The following NAV3 variants were observed in gnomAD, a reference collection of about 807,000 sequenced individuals.
The protein encoded by NAV3 is pore membrane and/or filament interacting like protein 1.
A neutral mutation model predicts 244.7 loss-of-function variants in NAV3; 87 were observed. The ratio of observed to expected loss-of-function variants is 0.36; its 90% CI spans 0.30 to 0.42. The LOEUF (loss-of-function observed/expected upper bound fraction) is 0.42. Among genes scored for constraint, NAV3 ranks in the 20% least tolerant of loss-of-function variants. The pLI, the probability that NAV3 is intolerant of heterozygous loss-of-function variation, is 1.00. For missense variants in NAV3, 2,663 were observed against 2,893.3 expected (o/e 0.92, Z 1.83); for synonymous variants, 1,126 against 1,042.2 (o/e 1.08, Z -1.55).
chr12:77,751,501 G>A (rs1868852514), intron 2 of NAV3, among the ~76,000 whole-genome samples: 1 of 152,116 alleles, frequency 6.6e-6, no homozygotes, highest in African/African-American at 2.4e-5. Context: ...CACAATATCT[G>A]ATGTTTTTAT....
chr12:77,658,159 A>G (rs1873220600), intron 2 of NAV3, among the ~76,000 whole-genome samples: 1 of 152,176 alleles, frequency 6.6e-6, no homozygotes, highest in African/African-American at 2.4e-5. Flanking sequence ...GAAAAGAGGA[A>G]GTCAAATTTT....
intron 3 of NAV3, among the ~76,000 whole-genome samples, chr12:77,941,844 T>C (rs1262901611): frequency 1.3e-5 from 2 of 152,182 alleles, no homozygotes; most frequent in South Asian, 2.1e-4. Flanking sequence ...ATCAAGCAGA[T>C]ATAATCAGGA....
At chr12:77,716,919 C>T (rs919670499) in intron 2 of NAV3, among the ~76,000 whole-genome samples, 12 of 151,850 alleles carry the variant, frequency 7.9e-5, no homozygotes, top group African/African-American at 1.7e-4. Context: ...AGCAGAAATC[C>T]GATAGGACAA....
chr12:78,201,043 CTCTCTT>C (rs1430839706), intron 38 of NAV3, among the ~76,000 whole-genome samples: 6 of 129,182 alleles, frequency 4.6e-5, no homozygotes, highest in African/African-American at 1.7e-4. Flanking sequence ...CTTTCTCTCT[CTCTCTT>C]TCTTTCTTTG....
intron 22 of NAV3, among the ~76,000 whole-genome samples, chr12:78,151,062 T>TA (rs1957064877): frequency 1.4e-5 from 2 of 138,454 alleles, no homozygotes; most frequent in African/African-American, 5.2e-5. Context: ...GAACAATCAT[T>TA]TAAAAAAAAA....
intron 2 of NAV3, among the ~76,000 whole-genome samples, chr12:77,745,361 G>A (rs1555200762): frequency 6.6e-6 from 1 of 152,066 alleles, no homozygotes; most frequent in Non-Finnish European, 1.5e-5. Flanking sequence ...TTTGGTGACT[G>A]AAAGAGACAA....
At position 78,006,576 on chromosome 12, in the gene NAV3, C is replaced by G. The variant is rs201482142; in HGVS notation, c.1038C>G (p.Thr346=). 4.4e-4 allele frequency: 718 copies of G among 1,614,088 alleles called. 3 individuals carry two copies. The African/African-American group carries it at 8.8e-3, about 20-fold the overall frequency. The change falls in exon 8 of 40, where the codon ACC becomes ACG. Residue 346 remains threonine, a synonymous_variant. Coordinates refer to ENST00000397909, the MANE Select transcript of NAV3 (RefSeq NM_001024383.2). ...ATGTCAAACACAGTGCCACCTCCAC[C>G]ATGTTGACTGTAAAGCAGTCAAGTA... ...SMNVKHSATS[T]MLTVKQSSTA...
intron 7 of NAV3, among the ~76,000 whole-genome samples, chr12:78,004,424 T>C (rs1301841285): frequency 6.6e-6 from 1 of 152,172 alleles, no homozygotes; most frequent in Non-Finnish European, 1.5e-5. Flanking sequence ...TAAGCAGAGA[T>C]AGCCCATAAA....
chr12:78,179,688 TACTGA>T lies in NAV3; in HGVS notation c.5517+8_5517+12del. The T allele has an allele frequency of 1.2e-6, 2 of 1,602,420 alleles. No individual in the cohort carries two copies. The highest frequency in any genetic ancestry group is 1.7e-6 in the Non-Finnish European group (2 of 1,174,438). On this transcript the variant is annotated splice_region_variant and intron_variant, in intron 29 of 39. Transcript: ENST00000397909. ...AAGCCATGAACCGGATGCAGGTTGG[TACTGA>T]AGCACTTTCAAGGAATAAAATGGAG...
chr12:77,763,709 G>T (rs1869603892), intron 2 of NAV3, among the ~76,000 whole-genome samples: 1 of 152,220 alleles, frequency 6.6e-6, no homozygotes, highest in Non-Finnish European at 1.5e-5. Context: ...TTGCCAGGAT[G>T]CTCTCTTGGA....
Position 78,143,401 on chromosome 12 carries a change from C to T in NAV3, c.4684-2968C>T, listed in dbSNP as rs189876133. The T allele has an allele frequency of 6.5e-3, 2,882 of 445,208 alleles. 33 individuals carry two copies. The highest frequency in any genetic ancestry group is 0.019 in the South Asian group (1,232 of 63,688). The allele number at this position is 445,208 out of a possible 1,614,324, so 27.6% of individuals were successfully genotyped here. A position where few individuals can be genotyped will look rare whatever the true frequency, so the allele number is the denominator to read the frequency against. On this transcript the variant is annotated intron_variant, in intron 20 of 39. Coordinates refer to ENST00000397909, the MANE Select transcript of NAV3 (RefSeq NM_001024383.2). ...ATCTCAACACTTTGGGAGGCTGAGG[C>T]GGGTGGATCACTTGAGGTCAGGAGT...
intron 2 of NAV3, among the ~76,000 whole-genome samples, chr12:77,696,377 A>G (rs1406561319): frequency 6.6e-6 from 1 of 152,148 alleles, no homozygotes; most frequent in Non-Finnish European, 1.5e-5. Context: ...TGAGAAAGTA[A>G]AAGAGACCTC....
chr12:78,066,068 A>T (rs1453878063), intron 12 of NAV3, among the ~76,000 whole-genome samples: 1 of 152,096 alleles, frequency 6.6e-6, no homozygotes, highest in Non-Finnish European at 1.5e-5. Context: ...AGCTCTCATG[A>T]ATGCTATTAG....
chr12:78,031,365 A>G (rs1566037095), intron 9 of NAV3, among the ~76,000 whole-genome samples: 4 of 152,006 alleles, frequency 2.6e-5, no homozygotes, highest in Non-Finnish European at 5.9e-5. Flanking sequence ...TGCTCATGTG[A>G]TCTAACTGAA....
intron 3 of NAV3, chr12:77,947,636 T>A (rs1890485579): frequency 6.6e-6 from 1 of 151,998 alleles, no homozygotes. Context: ...AAAAGATAGC[T>A]TAATGAAGAC....
At chr12:77,953,129 A>G (rs1433860932) in intron 3 of NAV3, among the ~76,000 whole-genome samples, 1 of 152,182 alleles carries the variant, frequency 6.6e-6, no homozygotes, top group South Asian at 2.1e-4. Context: ...ATTTAATATC[A>G]TCTATAACTG....
chr12:77,579,792 C>G (rs1869265610), intron 2 of NAV3, among the ~76,000 whole-genome samples: 1 of 152,164 alleles, frequency 6.6e-6, no homozygotes, highest in Non-Finnish European at 1.5e-5. Context: ...CATAGTACAG[C>G]AAAGAGTTAA....
At chr12:77,933,464 T>G (rs1009222375) in intron 1 of NAV3, among the ~76,000 whole-genome samples, 9 of 152,226 alleles carry the variant, frequency 5.9e-5, no homozygotes, top group African/African-American at 2.2e-4. Context: ...ATAATTTACT[T>G]GCCTTCATAG....
At chr12:77,740,817 T>A (rs146589953) in intron 2 of NAV3, among the ~76,000 whole-genome samples, 108 of 152,092 alleles carry the variant, frequency 7.1e-4, no homozygotes, top group African/African-American at 2.5e-3. Context: ...AAGTAGAACA[T>A]TTGTTCTACT....
Sources: gnomAD v4.1 joint callset for allele counts (sites outside exome capture counted in the v4.1 genomes callset) on GRCh38, gnomAD v4.1.1 for gene constraint, MANE v1.5 for transcripts, NCBI Gene and HGNC (gene_info 2026-07-23, HGNC 2026-07-21) for gene names.